ME1: variants seen among roughly 807,000 people sequenced by gnomAD.
The protein encoded by ME1 is NADP-dependent malic enzyme.
In ME1, 74 loss-of-function variants were observed where a neutral mutation model predicts 66.4. The ratio of observed to expected loss-of-function variants is 1.11; its 90% CI spans 0.92 to 1.35. The LOEUF is 1.35. Ranked by LOEUF, ME1 falls within the 40% of genes most tolerant of loss-of-function variation. ME1 has a pLI of 0.00. For missense variants in ME1, 750 were observed against 694.1 expected (o/e 1.08, Z -0.90); for synonymous variants, 251 against 235.6 (o/e 1.07, Z -0.60).
intron 6 of ME1, among the ~76,000 whole-genome samples, chr6:83,272,452 C>T (rs1767100646): frequency 6.6e-6 from 1 of 152,006 alleles, no homozygotes; most frequent in Non-Finnish European, 1.5e-5. Flanking sequence ...AAACAACATT[C>T]TAGGCCTTAA....
At chr6:83,331,462 C>T (rs966007808) in intron 5 of ME1, among the ~76,000 whole-genome samples, 2 of 151,780 alleles carry the variant, frequency 1.3e-5, no homozygotes, top group Non-Finnish European at 2.9e-5. Flanking sequence ...TGGTGGGCGC[C>T]TGTAATCCCA....
intron 3 of ME1, among the ~76,000 whole-genome samples, chr6:83,389,815 C>G (rs761313929): frequency 3.9e-5 from 6 of 152,056 alleles, no homozygotes; most frequent in Non-Finnish European, 8.8e-5. Flanking sequence ...TTCCAAAAAT[C>G]ACACCTCTAT....
chr6:83,293,770 CA>C (rs1767547057), intron 6 of ME1, among the ~76,000 whole-genome samples: 1 of 152,188 alleles, frequency 6.6e-6, no homozygotes, highest in Non-Finnish European at 1.5e-5. Flanking sequence ...GGTATCTCCT[CA>C]ATTTCTCTTT....
intron 6 of ME1, among the ~76,000 whole-genome samples, chr6:83,276,678 AC>A (rs1181511116): frequency 6.6e-6 from 1 of 152,228 alleles, no homozygotes; most frequent in Non-Finnish European, 1.5e-5. Context: ...TCTGATGTTT[AC>A]AATTACAGTA....
In ME1 at chr6:83,412,077, G is replaced by A. The variant is rs1336622014; in HGVS notation, c.79-4176C>T. Among the ~76,000 whole-genome samples, 3 of 152,166 alleles carry A rather than the reference G, an allele frequency of 2.0e-5. No homozygotes were observed. The East Asian group carries it at 5.8e-4, about 29-fold the overall frequency. On this transcript the variant is annotated intron_variant, in intron 1 of 13. Coordinates refer to ENST00000369705, the MANE Select transcript of ME1 (RefSeq NM_002395.6). ...ATATTAGAAATGATATTTGCAGGGA[G>A]CAAGCATAACTGAGAAAGAAACTTT... is the stretch of plus-strand genomic sequence containing the variant.
intron 5 of ME1, among the ~76,000 whole-genome samples, chr6:83,324,688 C>T (rs1209674886): frequency 9.0e-6 from 1 of 110,748 alleles, no homozygotes; most frequent in Admixed American, 1.3e-4. Context: ...AGTTCTAAAA[C>T]TGTGGTATTA....
At chr6:83,255,001 T>A (rs1050747802) in intron 6 of ME1, among the ~76,000 whole-genome samples, 6 of 152,156 alleles carry the variant, frequency 3.9e-5, no homozygotes, top group Non-Finnish European at 8.8e-5. Flanking sequence ...ACAAAGCAGA[T>A]GATTTTTCTC....
chr6:83,280,929 T>A (rs914716133), intron 6 of ME1, among the ~76,000 whole-genome samples: 1 of 152,230 alleles, frequency 6.6e-6, no homozygotes, highest in Non-Finnish European at 1.5e-5. Flanking sequence ...AGGGAGAATA[T>A]TTAATCCCTG....
At chr6:83,404,044 G>A (rs1769887136) in intron 2 of ME1, among the ~76,000 whole-genome samples, 3 of 152,056 alleles carry the variant, frequency 2.0e-5, no homozygotes, top group Non-Finnish European at 4.4e-5. Flanking sequence ...GGGGTCAAAT[G>A]GTGTTTCTGG....
chr6:83,354,430 C>T lies in ME1; in HGVS notation c.363-2291G>A, dbSNP rs1469584259. Among the ~76,000 whole-genome samples, 13 of 152,292 alleles carry T rather than the reference C, an allele frequency of 8.5e-5. 1 individual carries two copies. In the South Asian group the frequency reaches 1.0e-3, roughly 12 times the overall value. Reference sequence around the variant, plus strand: ...TATAGGCGTGAGCTACGGCACTTGGCCTCTCGTGGTTTTAAATATCATATT... The same window carrying T: ...TATAGGCGTGAGCTACGGCACTTGGTCTCTCGTGGTTTTAAATATCATATT... On this transcript the variant is annotated intron_variant, in intron 3 of 13. Transcript: ENST00000369705.
At chr6:83,310,680 A>G (rs1463176895) in intron 6 of ME1, among the ~76,000 whole-genome samples, 1 of 152,134 alleles carries the variant, frequency 6.6e-6, no homozygotes, top group Non-Finnish European at 1.5e-5. Context: ...GGAACATCTT[A>G]GCTAGAATGA....
At chr6:83,219,590 TTATG>T (rs543396979) in intron 12 of ME1, among the ~76,000 whole-genome samples, 2 of 151,876 alleles carry the variant, frequency 1.3e-5, no homozygotes, top group African/African-American at 2.4e-5. Context: ...CTATTTTGTT[TTATG>T]TATGTATGTA....
chr6:83,269,623 A>T (rs1051273592), intron 6 of ME1, among the ~76,000 whole-genome samples: 1 of 152,164 alleles, frequency 6.6e-6, no homozygotes, highest in African/African-American at 2.4e-5. Context: ...TATATCAATA[A>T]TTTAATAAAA....
intron 3 of ME1, among the ~76,000 whole-genome samples, chr6:83,357,262 T>C (rs1050580329): frequency 6.6e-6 from 1 of 152,232 alleles, no homozygotes; most frequent in Non-Finnish European, 1.5e-5. Context: ...TCCAGGCTTC[T>C]TTACTGCAAA....
intron 6 of ME1, among the ~76,000 whole-genome samples, chr6:83,268,749 A>ATTG (rs1767033312): frequency 6.7e-6 from 1 of 149,482 alleles, no homozygotes; most frequent in South Asian, 2.1e-4. Flanking sequence ...TATTATTATT[A>ATTG]TTATTATTAT....
chr6:83,290,072 A>C (rs1767473369), intron 6 of ME1, among the ~76,000 whole-genome samples: 1 of 152,122 alleles, frequency 6.6e-6, no homozygotes, highest in East Asian at 1.9e-4. Context: ...TCTTTTCAAA[A>C]AACCAGCTCC....
intron 6 of ME1, among the ~76,000 whole-genome samples, chr6:83,277,152 CT>C (rs1234552871): frequency 1.3e-5 from 2 of 152,164 alleles, no homozygotes; most frequent in African/African-American, 4.8e-5. Context: ...TTAAATAAAA[CT>C]TTTAATATAT....
intron 13 of ME1, among the ~76,000 whole-genome samples, chr6:83,212,640 G>A (rs1475623466): frequency 2.0e-5 from 3 of 152,096 alleles, no homozygotes; most frequent in Non-Finnish European, 4.4e-5. Context: ...CCTCGTCTGG[G>A]GACCCCTCAG....
intron 5 of ME1, among the ~76,000 whole-genome samples, chr6:83,340,072 G>A (rs2128542944): frequency 6.6e-6 from 1 of 152,106 alleles, no homozygotes; most frequent in South Asian, 2.1e-4. Flanking sequence ...ATTTTTAACT[G>A]GTTATTACAA....
Sources: gnomAD v4.1 joint callset for allele counts (sites outside exome capture counted in the v4.1 genomes callset) on GRCh38, gnomAD v4.1.1 for gene constraint, MANE v1.5 for transcripts, NCBI Gene and HGNC (gene_info 2026-07-23, HGNC 2026-07-21) for gene names.